FHOD3: variants seen among roughly 807,000 people sequenced by gnomAD.
The protein encoded by FHOD3 is formin homology 2 domain containing 3, also known as FH1/FH2 domain-containing protein 3.
FHOD3 carries 90 observed loss-of-function variants against 173.0 expected under a neutral mutation model. The ratio of observed to expected loss-of-function variants is 0.52; its 90% CI spans 0.44 to 0.62. The LOEUF is 0.62. Among genes scored for constraint, FHOD3 ranks in the 20% least tolerant of loss-of-function variants. The pLI is 0.00. For synonymous variants in FHOD3, 828 were observed against 823.0 expected (o/e 1.01, Z -0.10); for missense variants, 1,945 against 2,034.7 (o/e 0.96, Z 0.85).
intron 4 of FHOD3, among the ~76,000 whole-genome samples, chr18:36,503,286 T>A (rs2055133648): frequency 6.6e-6 from 1 of 152,226 alleles, no homozygotes; most frequent in Non-Finnish European, 1.5e-5. Flanking sequence ...ATTTTTCTTC[T>A]GTTAGGATTT....
chr18:36,531,826 C>T (rs1042197621), intron 5 of FHOD3, among the ~76,000 whole-genome samples: 2 of 152,216 alleles, frequency 1.3e-5, no homozygotes, highest in African/African-American at 4.8e-5. Flanking sequence ...ATGCTTGACA[C>T]CAGAGCAGTT....
chr18:36,692,175 A>AT (rs1357795086), intron 16 of FHOD3, among the ~76,000 whole-genome samples: 1 of 152,222 alleles, frequency 6.6e-6, no homozygotes, highest in African/African-American at 2.4e-5. Flanking sequence ...GATGCAAAAA[A>AT]TGCATGCTTT....
At chr18:36,748,943 A>ATT (rs200595177) in intron 24 of FHOD3, among the ~76,000 whole-genome samples, 1 of 145,576 alleles carries the variant, frequency 6.9e-6, no homozygotes, top group Non-Finnish European at 1.5e-5. Context: ...GATGGCTGTG[A>ATT]TTTTTTTTTT....
intron 3 of FHOD3, among the ~76,000 whole-genome samples, chr18:36,490,902 G>A (rs974302039): frequency 2.0e-5 from 3 of 152,210 alleles, no homozygotes; most frequent in Admixed American, 2.0e-4. Context: ...CTTCCCTTTA[G>A]GAACTCAGAG....
chr18:36,422,487 G>C (rs1236948742), intron 3 of FHOD3, among the ~76,000 whole-genome samples: 1 of 152,178 alleles, frequency 6.6e-6, no homozygotes, highest in Non-Finnish European at 1.5e-5. Flanking sequence ...AGTTTACCTG[G>C]AGGATAAATT....
chr18:36,548,169 G>T (rs991373377), intron 5 of FHOD3, among the ~76,000 whole-genome samples: 1 of 152,140 alleles, frequency 6.6e-6, no homozygotes, highest in African/African-American at 2.4e-5. Context: ...TCCAGCCTGG[G>T]TGAGAGAGTG....
chr18:36,587,030 G>A (rs1447482490), intron 6 of FHOD3, among the ~76,000 whole-genome samples: 1 of 152,096 alleles, frequency 6.6e-6, no homozygotes, highest in African/African-American at 2.4e-5. Context: ...AAGTGGAAGC[G>A]TGGTTCACAA....
intron 1 of FHOD3, among the ~76,000 whole-genome samples, chr18:36,334,132 C>T (rs1303390646): frequency 1.3e-5 from 2 of 152,196 alleles, no homozygotes; most frequent in African/African-American, 4.8e-5. Flanking sequence ...AAAATCCTGG[C>T]CCTGCCCCAA....
At chr18:36,614,686 C>G (rs2033022255) in intron 9 of FHOD3, among the ~76,000 whole-genome samples, 1 of 152,094 alleles carries the variant, frequency 6.6e-6, no homozygotes, top group Non-Finnish European at 1.5e-5. Flanking sequence ...TTATTATAGC[C>G]AGCTAGTAGG....
chr18:36,370,948 C>T (rs2047157016), intron 2 of FHOD3, among the ~76,000 whole-genome samples: 1 of 152,146 alleles, frequency 6.6e-6, no homozygotes. Context: ...CTGGTCTGGT[C>T]AGAAGAGTTG....
chr18:36,561,961 GT>G (rs2058097659), intron 5 of FHOD3, among the ~76,000 whole-genome samples: 2 of 54,220 alleles, frequency 3.7e-5, no homozygotes, highest in East Asian at 1.2e-3. Context: ...ACTACACTGT[GT>G]ATTGTATTGT....
chr18:36,684,806 G>T (rs113470104), intron 15 of FHOD3, among the ~76,000 whole-genome samples: 13 of 152,204 alleles, frequency 8.5e-5, no homozygotes, highest in African/African-American at 1.9e-4. Flanking sequence ...GGTTTTTTTT[G>T]TTTGTTTGTT....
chr18:36,757,447 T>C (rs1325804440), intron 25 of FHOD3, among the ~76,000 whole-genome samples: 1 of 152,200 alleles, frequency 6.6e-6, no homozygotes, highest in Non-Finnish European at 1.5e-5. Flanking sequence ...GAAAAGCTTA[T>C]ATCCCAAGGA....
At chr18:36,341,187 C>A (rs1598770203) in intron 1 of FHOD3, among the ~76,000 whole-genome samples, 1 of 152,252 alleles carries the variant, frequency 6.6e-6, no homozygotes, top group East Asian at 1.9e-4. Context: ...TAGTGCCATC[C>A]TCATAGGCTT....
chr18:36,681,935 C>A (rs578220593), intron 15 of FHOD3, among the ~76,000 whole-genome samples: 1 of 152,110 alleles, frequency 6.6e-6, no homozygotes, highest in Non-Finnish European at 1.5e-5. Context: ...TATCAGATGC[C>A]CAAAAAGAAA....
intron 3 of FHOD3, among the ~76,000 whole-genome samples, chr18:36,396,781 ATAAT>A (rs1363950270): frequency 6.6e-6 from 1 of 152,148 alleles, no homozygotes; most frequent in African/African-American, 2.4e-5. Context: ...CTTCCTTATA[ATAAT>A]TCTGTATGAA....
At chr18:36,482,710 G>C (rs1364511942) in intron 3 of FHOD3, among the ~76,000 whole-genome samples, 2 of 152,042 alleles carry the variant, frequency 1.3e-5, no homozygotes, top group African/African-American at 4.8e-5. Context: ...ACACTAGTTT[G>C]CAAACTCCCT....
At chr18:36,554,165 C>G (rs1457065762) in intron 5 of FHOD3, among the ~76,000 whole-genome samples, 1 of 152,092 alleles carries the variant, frequency 6.6e-6, no homozygotes, top group African/African-American at 2.4e-5. Context: ...ATAAATCATG[C>G]TGCTATAAAG....
chr18:36,738,849 A>G (rs1447508664), intron 20 of FHOD3, among the ~76,000 whole-genome samples: 1 of 152,166 alleles, frequency 6.6e-6, no homozygotes, highest in African/African-American at 2.4e-5. Context: ...TTATTTATTA[A>G]AGTCAGGTTA....
Sources: allele counts gnomAD v4.1 joint callset (sites outside exome capture counted in the v4.1 genomes callset), GRCh38; gene constraint gnomAD v4.1.1; transcripts MANE v1.5; gene names NCBI Gene and HGNC (gene_info 2026-07-23, HGNC 2026-07-21).